KCND2: variants seen among roughly 807,000 people sequenced by gnomAD.
The protein encoded by KCND2 is A-type voltage-gated potassium channel KCND2.
Under a neutral mutation model 54.4 loss-of-function variants are expected in KCND2, and 16 were observed. The observed-to-expected ratio is 0.29, with a 90% confidence interval of 0.20 to 0.45. The LOEUF is 0.45. Ranked by LOEUF, KCND2 falls within the 20% of genes least tolerant of loss-of-function variation. KCND2 has a pLI of 1.00. For missense variants in KCND2, 486 were observed against 824.2 expected (o/e 0.59, Z 5.02); for synonymous variants, 317 against 310.7 (o/e 1.02, Z -0.21).
At chr7:120,352,816 A>G (rs1357603154) in intron 1 of KCND2, among the ~76,000 whole-genome samples, 1 of 152,210 alleles carries the variant, frequency 6.6e-6, no homozygotes, top group African/African-American at 2.4e-5. Flanking sequence ...ACATTTGTAG[A>G]TAATTTAGAG....
chr7:120,624,585 G>T (rs1402111147), intron 1 of KCND2, among the ~76,000 whole-genome samples: 1 of 152,012 alleles, frequency 6.6e-6, no homozygotes, highest in Non-Finnish European at 1.5e-5. Flanking sequence ...TTCAAGACCA[G>T]CCTGGACAAC....
chr7:120,409,291 T>C (rs144706583), intron 1 of KCND2, among the ~76,000 whole-genome samples: 1 of 152,102 alleles, frequency 6.6e-6, no homozygotes, highest in East Asian at 1.9e-4. Context: ...CAATGTAATA[T>C]TCACCTCAGA....
At chr7:120,434,877 C>A (rs1314273877) in intron 1 of KCND2, among the ~76,000 whole-genome samples, 1 of 151,794 alleles carries the variant, frequency 6.6e-6, no homozygotes, top group Non-Finnish European at 1.5e-5. Flanking sequence ...CATTTCCCAC[C>A]TGCACTAGTC....
In KCND2 at chr7:120,669,194, A is replaced by T. The variant is rs539086949; in HGVS notation, c.1116-63709A>T. ...TGATAGTCTAGCGTCATTATCTCAC[A>T]TGTTTAAAAGTGAAGTCCAAGAAGT... On this transcript the variant is annotated intron_variant, in intron 1 of 5. Coordinates refer to ENST00000331113, the MANE Select transcript of KCND2 (RefSeq NM_012281.3). 2.0e-5 allele frequency among the ~76,000 whole-genome samples: 3 copies of T among 152,206 alleles called. No individual in the cohort carries two copies. The East Asian group carries it at 5.8e-4, about 29-fold the overall frequency.
intron 1 of KCND2, among the ~76,000 whole-genome samples, chr7:120,730,160 T>G (rs1395970303): frequency 1.3e-5 from 2 of 152,206 alleles, no homozygotes; most frequent in Non-Finnish European, 2.9e-5. Context: ...AGTCCTTGTA[T>G]TCTTTAGCCA....
At chr7:120,278,116 A>G (rs1799205946) in intron 1 of KCND2, among the ~76,000 whole-genome samples, 1 of 152,036 alleles carries the variant, frequency 6.6e-6, no homozygotes, top group Non-Finnish European at 1.5e-5. Context: ...GACAAATCAT[A>G]TGCTTTATAA....
intron 1 of KCND2, among the ~76,000 whole-genome samples, chr7:120,700,979 CCATGT>C (rs1345217060): frequency 2.8e-4 from 42 of 152,036 alleles, no homozygotes; most frequent in Non-Finnish European, 1.9e-4. Context: ...CAGGCTCTTT[CCATGT>C]CATTACTCTC....
At chr7:120,489,729 A>G (rs1802749543) in intron 1 of KCND2, among the ~76,000 whole-genome samples, 1 of 152,180 alleles carries the variant, frequency 6.6e-6, no homozygotes, top group South Asian at 2.1e-4. Context: ...GTTAAAGAAA[A>G]CACTTGACTT....
At position 120,749,174 on chromosome 7, in the gene KCND2, T is replaced by G. The variant is rs546385011; in HGVS notation, c.*1316T>G. 2.0e-5 allele frequency: 3 copies of G among 152,084 alleles called. No homozygotes were observed. In the South Asian group the frequency reaches 6.2e-4, roughly 32 times the overall value. 9.4% of individuals were successfully genotyped at this position (152,084 alleles called of 1,614,324 possible). On this transcript the variant is annotated 3_prime_UTR_variant, in exon 6 of 6. Transcript: ENST00000331113. ...TGAGAATAACTAATGTGGATTGAAA[T>G]GTAGAGATACACTGGAGTGCTTTAT...
intron 1 of KCND2, among the ~76,000 whole-genome samples, chr7:120,290,584 C>A (rs898582084): frequency 1.1e-4 from 16 of 151,968 alleles, no homozygotes; most frequent in African/African-American, 3.4e-4. Flanking sequence ...AAATATTATA[C>A]CCTTGGCTTT....
At chr7:120,308,584 C>A (rs1799682673) in intron 1 of KCND2, among the ~76,000 whole-genome samples, 1 of 152,124 alleles carries the variant, frequency 6.6e-6, no homozygotes, top group South Asian at 2.1e-4. Flanking sequence ...TTATATTGGT[C>A]CATACAATTT....
intron 1 of KCND2, among the ~76,000 whole-genome samples, chr7:120,570,850 C>A (rs970078317): frequency 2.2e-4 from 33 of 152,142 alleles, no homozygotes; most frequent in Admixed American, 2.2e-3. Context: ...CTAAGGGTGA[C>A]CTTTCCTTTT....
At chr7:120,451,500 G>A (rs1802107530) in intron 1 of KCND2, among the ~76,000 whole-genome samples, 1 of 152,158 alleles carries the variant, frequency 6.6e-6, no homozygotes, top group Admixed American at 6.6e-5. Context: ...TATACTATAG[G>A]ACAGGCACTG....
intron 1 of KCND2, among the ~76,000 whole-genome samples, chr7:120,723,900 G>A (rs1351232301): frequency 6.6e-6 from 1 of 152,074 alleles, no homozygotes; most frequent in African/African-American, 2.4e-5. Flanking sequence ...AGTATAAAAA[G>A]AGGAAGCATA....
chr7:120,515,079 A>G (rs1294274814), intron 1 of KCND2, among the ~76,000 whole-genome samples: 2 of 151,710 alleles, frequency 1.3e-5, no homozygotes, highest in South Asian at 2.1e-4. Context: ...TATACTTTGC[A>G]TTTTTTTCAC....
At chr7:120,464,988 A>G (rs1018874203) in intron 1 of KCND2, among the ~76,000 whole-genome samples, 1 of 152,206 alleles carries the variant, frequency 6.6e-6, no homozygotes, top group Non-Finnish European at 1.5e-5. Context: ...TACTGTAATT[A>G]CAACAGTAAA....
Position 120,634,360 on chromosome 7 carries a change from G to A in KCND2, c.1116-98543G>A, listed in dbSNP as rs190392162. Among the ~76,000 whole-genome samples the A allele has an allele frequency of 9.2e-5, 14 of 151,942 alleles. No homozygotes were observed. In the East Asian group the frequency reaches 2.7e-3, roughly 29 times the overall value. On this transcript the variant is annotated intron_variant, in intron 1 of 5. Transcript: ENST00000331113. ...AGTATTATTTCACAATACTAGGGAG[G>A]CTTACCAACTGCTTACTTGTCATCC...
rs191111181 is a variant in KCND2, at chr7:120,549,329, A to G, written c.1116-183574A>G. Among the ~76,000 whole-genome samples the G allele has an allele frequency of 3.6e-4, 55 of 152,304 alleles. 1 individual carries two copies. In the East Asian group the frequency reaches 8.3e-3, roughly 23 times the overall value. On this transcript the variant is annotated intron_variant, in intron 1 of 5. Transcript: ENST00000331113. ...CTACAGATCAGTCACAAGGATTTAT[A>G]GAAATTAGCTATTTTCTATTGAGGA... is the stretch of plus-strand genomic sequence containing the variant.
intron 1 of KCND2, among the ~76,000 whole-genome samples, chr7:120,649,742 A>T (rs911120399): frequency 2.0e-5 from 3 of 152,182 alleles, no homozygotes; most frequent in Non-Finnish European, 4.4e-5. Context: ...ATGTTTTTAC[A>T]GTGGCTGGTA....
Sources: allele counts gnomAD v4.1 joint callset (sites outside exome capture counted in the v4.1 genomes callset), GRCh38; gene constraint gnomAD v4.1.1; transcripts MANE v1.5; gene names NCBI Gene and HGNC (gene_info 2026-07-23, HGNC 2026-07-21).